MICU1: variants seen among roughly 807,000 people sequenced by gnomAD.
MICU1 encodes calcium uptake protein 1, mitochondrial.
Under a neutral mutation model 56.8 loss-of-function variants are expected in MICU1, and 45 were observed. The ratio of observed to expected loss-of-function variants is 0.79; its 90% CI spans 0.62 to 1.02. MICU1 has a LOEUF of 1.02. Ranked by LOEUF, MICU1 falls within the 50% of genes least tolerant of loss-of-function variation. MICU1 has a pLI of 0.00. For synonymous variants in MICU1, 186 were observed against 195.1 expected (o/e 0.95, Z 0.39); for missense variants, 504 against 587.1 (o/e 0.86, Z 1.46).
intron 6 of MICU1, among the ~76,000 whole-genome samples, chr10:72,505,626 G>A (rs115411733): frequency 0.027 from 4,150 of 152,180 alleles, 185 homozygotes; most frequent in African/African-American, 0.096. Context: ...AATACTACAC[G>A]GTCATGAACA....
intron 6 of MICU1, among the ~76,000 whole-genome samples, chr10:72,488,582 C>A (rs1303248934): frequency 6.6e-6 from 1 of 152,042 alleles, no homozygotes; most frequent in Non-Finnish European, 1.5e-5. Flanking sequence ...CCAAAGCTTT[C>A]AGAATTGCTA....
intron 8 of MICU1, among the ~76,000 whole-genome samples, chr10:72,469,993 C>T (rs1313167249): frequency 6.6e-6 from 1 of 152,148 alleles, no homozygotes; most frequent in Admixed American, 6.5e-5. Flanking sequence ...TCTTTAAAGA[C>T]CTTATCTCCA....
chr10:72,400,712 C>G (rs935133554), intron 10 of MICU1, among the ~76,000 whole-genome samples: 1 of 152,060 alleles, frequency 6.6e-6, no homozygotes, highest in Non-Finnish European at 1.5e-5. Flanking sequence ...TGCCATTGCA[C>G]TCCAACCTGG....
At chr10:72,417,536 A>G (rs1864023550) in intron 9 of MICU1, among the ~76,000 whole-genome samples, 1 of 152,134 alleles carries the variant, frequency 6.6e-6, no homozygotes. Context: ...TGTCTTGCAC[A>G]CAGCAATGTC....
intron 8 of MICU1, among the ~76,000 whole-genome samples, chr10:72,452,305 A>G (rs1865324645): frequency 6.6e-6 from 1 of 152,254 alleles, no homozygotes; most frequent in South Asian, 2.1e-4. Context: ...GCCTTGCCAT[A>G]CCAGAGAAGA....
In MICU1 at chr10:72,395,451, C is replaced by T. The variant is rs910437270; in HGVS notation, c.1180+12478G>A. Reference sequence around the variant, plus strand: ...CTGGTTGGACAGTGGGTGCAGCCCACGGAGAGTGAGTCGAAGCAGGGCGGG... The same window carrying T: ...CTGGTTGGACAGTGGGTGCAGCCCATGGAGAGTGAGTCGAAGCAGGGCGGG... On this transcript the variant is annotated intron_variant, in intron 10 of 11. Transcript: ENST00000361114. Among the ~76,000 whole-genome samples, 64 of 152,260 alleles carry T rather than the reference C, an allele frequency of 4.2e-4. 1 individual carries two copies. The highest frequency in any genetic ancestry group is 1.4e-3 in the African/African-American group (57 of 41,566).
At chr10:72,492,314 G>A (rs548131209) in intron 6 of MICU1, among the ~76,000 whole-genome samples, 4 of 152,234 alleles carry the variant, frequency 2.6e-5, no homozygotes, top group Admixed American at 2.0e-4. Context: ...GTAACCAATC[G>A]GGAGGGTACG....
intron 1 of MICU1, among the ~76,000 whole-genome samples, chr10:72,611,130 C>A (rs1841833850): frequency 6.6e-6 from 1 of 151,234 alleles, no homozygotes. Context: ...CGGTGAAACC[C>A]CGTGTCTACT....
intron 10 of MICU1, among the ~76,000 whole-genome samples, chr10:72,390,208 A>C (rs1349900532): frequency 6.6e-6 from 1 of 152,248 alleles, no homozygotes; most frequent in Admixed American, 6.5e-5. Flanking sequence ...AAAAGAAAAA[A>C]AAGAAATGTG....
intron 10 of MICU1, among the ~76,000 whole-genome samples, chr10:72,401,781 G>T (rs113919491): frequency 1.3e-5 from 2 of 152,158 alleles, no homozygotes; most frequent in East Asian, 1.9e-4. Flanking sequence ...ACTAATTACA[G>T]TCACCAGAGT....
At chr10:72,565,275 G>T (rs1385710269) in intron 2 of MICU1, among the ~76,000 whole-genome samples, 1 of 151,992 alleles carries the variant, frequency 6.6e-6, no homozygotes. Context: ...TTAAGAAAAT[G>T]TGGCACATAT....
chr10:72,585,568 G>A (rs960422638), intron 1 of MICU1, among the ~76,000 whole-genome samples: 66 of 151,704 alleles, frequency 4.4e-4, no homozygotes, highest in African/African-American at 1.5e-3. Flanking sequence ...GGTGGCGTGT[G>A]CCTGTAATCC....
At chr10:72,609,205 A>T (rs1227703927) in intron 1 of MICU1, among the ~76,000 whole-genome samples, 1 of 152,166 alleles carries the variant, frequency 6.6e-6, no homozygotes, top group Non-Finnish European at 1.5e-5. Flanking sequence ...GGTTATCAAG[A>T]GCTTGGAAGA....
rs367863329 is a variant in MICU1, at chr10:72,368,254, G to T, written c.1372C>A (p.Gln458Lys). The T allele has an allele frequency of 6.2e-6, 10 of 1,613,836 alleles. No homozygotes were observed. Among genetic ancestry groups the T allele is most frequent in the Non-Finnish European group, 8.5e-6 (10 of 1,179,890 alleles). ...TCCTGTGCACATTTCCACATGGCCT[G>T]CATGAGGCGAGTGAAACCCATGTCT... ...PKDMGFTRLM[Q>K]AMWKCAQETA... The change falls in exon 12 of 12, where the codon CAG (glutamine) becomes AAG (lysine). Residue 458 changes from glutamine to lysine, a missense_variant. Coordinates refer to ENST00000361114, the MANE Select transcript of MICU1 (RefSeq NM_001195518.2).
chr10:72,397,793 G>A (rs1863317106), intron 10 of MICU1, among the ~76,000 whole-genome samples: 1 of 152,170 alleles, frequency 6.6e-6, no homozygotes, highest in Non-Finnish European at 1.5e-5. Context: ...CAAGTCCTTA[G>A]AGACCTACAA....
At chr10:72,384,232 C>T (rs535962852) in intron 10 of MICU1, among the ~76,000 whole-genome samples, 3 of 152,180 alleles carry the variant, frequency 2.0e-5, no homozygotes, top group Admixed American at 6.5e-5. Context: ...TGGGCTCAAG[C>T]GAACCACCCA....
rs547026012 is a variant in MICU1 at position 72,502,266 on chromosome 10, T to C, written c.652+5889A>G. On this transcript the variant is annotated intron_variant, in intron 6 of 11. Transcript: ENST00000361114. ...GCTTCCCAGGTTTAAGCAATTTTCCTGCCTCAGCCTCCTGAGTAGCTGGGA... is the reference window on the plus strand; with the variant it reads ...GCTTCCCAGGTTTAAGCAATTTTCCCGCCTCAGCCTCCTGAGTAGCTGGGA... 4.9e-3 allele frequency among the ~76,000 whole-genome samples: 744 copies of C among 151,300 alleles called. 8 individuals are homozygous for C. Among genetic ancestry groups the C allele is most frequent in the Middle Eastern group, 6.8e-3 (2 of 294 alleles).
At chr10:72,382,841 G>A (rs1213923354) in intron 10 of MICU1, among the ~76,000 whole-genome samples, 5 of 152,312 alleles carry the variant, frequency 3.3e-5, no homozygotes, top group African/African-American at 7.2e-5. Context: ...CCCGGGAGGC[G>A]GAGGCTGCAG....
intron 7 of MICU1, among the ~76,000 whole-genome samples, chr10:72,476,376 A>G (rs1866123747): frequency 6.6e-6 from 1 of 152,086 alleles, no homozygotes; most frequent in African/African-American, 2.4e-5. Context: ...CTACAGGCAC[A>G]TACTACCAAT....
Sources: gnomAD v4.1 joint callset for allele counts (sites outside exome capture counted in the v4.1 genomes callset) on GRCh38, gnomAD v4.1.1 for gene constraint, MANE v1.5 for transcripts, NCBI Gene and HGNC (gene_info 2026-07-23, HGNC 2026-07-21) for gene names.